VIPR1: variants seen among roughly 807,000 people sequenced by gnomAD.
VIPR1 encodes the protein vasoactive intestinal polypeptide receptor 1.
VIPR1 carries 59 observed loss-of-function variants against 58.8 expected under a neutral mutation model. The ratio of observed to expected loss-of-function variants is 1.00; its 90% confidence interval spans 0.81 to 1.25. VIPR1 has a LOEUF of 1.25. VIPR1 is among the 50% of genes most tolerant of loss of function. VIPR1 has a pLI of 0.00. For synonymous variants in VIPR1, 251 were observed against 242.1 expected, an observed-to-expected ratio of 1.04 and a Z score of -0.34; for missense variants, 626 against 602.7, an observed-to-expected ratio of 1.04 and a Z score of -0.40.
intron 3 of VIPR1, chr3:42,521,204 T>A (rs562080496): frequency 1.3e-5 from 2 of 152,250 alleles, no homozygotes; most frequent in South Asian, 4.1e-4. Context: ...GCTGCCGCCA[T>A]CAATGGGGCC....
Position 42,512,738 on chromosome 3 carries a change from A to C in VIPR1, c.79-1011A>C, listed in dbSNP as rs191365446. The C allele has an allele frequency of 2.2e-3, 2,174 of 985,362 alleles. 7 individuals carry two copies. The highest frequency in any genetic ancestry group is 2.4e-3 in the Non-Finnish European group (1,973 of 829,904). The allele number at this position is 985,362 out of a possible 1,614,324, so 61.0% of individuals were successfully genotyped here. On this transcript the variant is annotated intron_variant, in intron 1 of 12. Transcript: ENST00000325123. ...TTCTATGGCCCTGGTGGAAACTGAC[A>C]TTCTTCTCCCAGGCAGAGATGAGGA...
At position 42,528,084 on chromosome 3, in the gene VIPR1, C is replaced by G. The variant is rs777447995; in HGVS notation, c.597C>G (p.Leu199=). The change falls in exon 6 of 13, where the codon CTC becomes CTG. Residue 199 remains leucine (L), a synonymous_variant. Transcript: ENST00000325123. ...AAAVFIKDLA[L]FDSGESDQCS... ...CTGTCTTCATCAAAGACTTGGCCCT[C>G]TTCGACAGCGGGGAGTCGGACCAGT... 6.2e-7 allele frequency: 1 copy of G among 1,614,082 alleles called. No individual in the cohort carries two copies. Among genetic ancestry groups the G allele is most frequent in the Non-Finnish European group, 8.5e-7 (1 of 1,179,954 alleles).
At chr3:42,493,805 C>T (rs1317417802) in intron 1 of VIPR1, among the ~76,000 whole-genome samples, 1 of 152,258 alleles carries the variant, frequency 6.6e-6, no homozygotes, top group East Asian at 1.9e-4. Flanking sequence ...TCCTGAGGTC[C>T]TCGTCAGAGA....
chr3:42,522,095 ATATATATTTT>A (rs1190374147), intron 3 of VIPR1, among the ~76,000 whole-genome samples: 5 of 45,714 alleles, frequency 1.1e-4, no homozygotes, highest in African/African-American at 6.9e-4. Context: ...ATATATATAT[ATATATATTTT>A]TTTTTTTTTT....
chr3:42,509,961 G>T (rs1469423578), intron 1 of VIPR1, among the ~76,000 whole-genome samples: 1 of 152,164 alleles, frequency 6.6e-6, no homozygotes, highest in African/African-American at 2.4e-5. Flanking sequence ...CAACCTGAGG[G>T]ATCTTTGTAA....
intron 5 of VIPR1, 63 bp downstream of exon 5, chr3:42,527,559 A>AGCCCAGCGTG (rs1701299802): frequency 1.3e-6 from 2 of 1,538,806 alleles, no homozygotes; most frequent in Admixed American, 3.4e-5. Context: ...CCCACAGTGG[A>AGCCCAGCGTG]GCCCAGCGTG....
intron 3 of VIPR1, among the ~76,000 whole-genome samples, chr3:42,523,029 G>T (rs1701032868): frequency 6.6e-6 from 1 of 152,110 alleles, no homozygotes; most frequent in South Asian, 2.1e-4. Context: ...CCCTCCCACG[G>T]TGGAGCCCAG....
chr3:42,513,692 C>G, intron 1 of VIPR1, 57 bp from the exon 2 acceptor site: 1 of 1,524,438 alleles, frequency 6.6e-7, no homozygotes, highest in Admixed American at 2.0e-5. Flanking sequence ...GAGACTGGGC[C>G]TGGTGCTCCT....
At chr3:42,508,272 C>T (rs1027881711) in intron 1 of VIPR1, among the ~76,000 whole-genome samples, 1 of 152,116 alleles carries the variant, frequency 6.6e-6, no homozygotes, top group African/African-American at 2.4e-5. Flanking sequence ...CCCTCAACCC[C>T]AATTCTAGAA....
chr3:42,531,534 G>A lies in VIPR1; in HGVS notation c.851+3G>A. On this transcript the variant is annotated splice_donor_region_variant and intron_variant, in intron 8 of 12. Coordinates refer to ENST00000325123, the MANE Select transcript of VIPR1 (RefSeq NM_004624.4). ...AGGATCCATTTTGAGGATTATGGGT[G>A]AGCTGCTGCCCCACACACTCCCCCG... 1 of 1,595,062 alleles carries A rather than the reference G, an allele frequency of 6.3e-7. No homozygotes were observed. Among genetic ancestry groups the A allele is most frequent in the Non-Finnish European group, 8.5e-7 (1 of 1,170,168 alleles).
chr3:42,534,948 CA>C, intron 10 of VIPR1, 26 bp from the exon 11 acceptor site: 1 of 1,613,448 alleles, frequency 6.2e-7, no homozygotes, highest in Non-Finnish European at 8.5e-7. Flanking sequence ...CACACATACC[CA>C]TGGCCTGTCC....
intron 1 of VIPR1, chr3:42,508,117 AG>A (rs1700202561): frequency 6.6e-6 from 1 of 152,232 alleles, no homozygotes; most frequent in African/African-American, 2.4e-5. Context: ...TAGGACCTTC[AG>A]CCTACCTGGG....
At chr3:42,492,406 G>C (rs1699680702) in intron 1 of VIPR1, 1 of 152,314 alleles carries the variant, frequency 6.6e-6, no homozygotes, top group African/African-American at 2.4e-5. Context: ...TCCTTGCTGA[G>C]TGCTGCCTTC....
intron 2 of VIPR1, among the ~76,000 whole-genome samples, chr3:42,518,715 G>C (rs980003469): frequency 6.1e-5 from 9 of 146,764 alleles, no homozygotes; most frequent in Middle Eastern, 3.4e-3. Flanking sequence ...CTGGGTGACA[G>C]AGTGAGACTC....
Position 42,536,345 on chromosome 3 carries a change from C to T in VIPR1, c.*64C>T. On this transcript the variant is annotated 3_prime_UTR_variant, in exon 13 of 13. Coordinates refer to ENST00000325123, the MANE Select transcript of VIPR1 (RefSeq NM_004624.4). ...CCCTTCCCACTCACCCCGGCAGACG[C>T]CGGGGACAGAGGCCTGCCCGGGCGC... The T allele has an allele frequency of 1.4e-6, 2 of 1,447,798 alleles. No individual in the cohort carries two copies. The highest frequency in any genetic ancestry group is 1.8e-6 in the Non-Finnish European group (2 of 1,106,772). The allele number at this position is 1,447,798 out of a possible 1,614,324, so 89.7% of individuals were successfully genotyped here.
Position 42,536,222 on chromosome 3 carries a change from C to G in VIPR1, c.1315C>G (p.Arg439Gly). 1 of 1,584,480 alleles carries G rather than the reference C, an allele frequency of 6.3e-7. No homozygotes were observed. Among genetic ancestry groups the G allele is most frequent in the Non-Finnish European group, 8.6e-7 (1 of 1,167,790 alleles). The change falls in exon 13 of 13, where the codon CGC (arginine) becomes GGC (glycine). Residue 439 changes from arginine to glycine, a missense_variant. Transcript: ENST00000325123. Reference protein sequence around the residue: ...TCSTQVSMLTRVSPGARRSSS... With the variant: ...TCSTQVSMLTGVSPGARRSSS... ...CAGCACGCAGGTTTCCATGCTGACC[C>G]GCGTCAGCCCAGGTGCCCGCCGCTC...
chr3:42,506,986 A>T (rs1700147182), intron 1 of VIPR1: 1 of 152,214 alleles, frequency 6.6e-6, no homozygotes, highest in Non-Finnish European at 1.5e-5. Context: ...GACAATTGTT[A>T]ACATCTAACA....
intron 1 of VIPR1, among the ~76,000 whole-genome samples, chr3:42,492,973 G>A (rs1699692909): frequency 6.6e-6 from 1 of 152,342 alleles, no homozygotes; most frequent in South Asian, 2.1e-4. Context: ...AGGGCGAGAA[G>A]GAAGGAGATC....
chr3:42,527,890 C>T, intron 5 of VIPR1, 101 bp from the exon 6 acceptor site: 1 of 1,502,332 alleles, frequency 6.7e-7, no homozygotes, highest in Non-Finnish European at 9.0e-7. Context: ...CTGGAGGACA[C>T]ATGCTCCCCT....
Sources: gnomAD v4.1 joint callset for allele counts (sites outside exome capture counted in the v4.1 genomes callset) on GRCh38, gnomAD v4.1.1 for gene constraint, MANE v1.5 for transcripts, NCBI Gene and HGNC (gene_info 2026-07-23, HGNC 2026-07-21) for gene names.